CLTCL1: variants seen among roughly 807,000 people sequenced by gnomAD.
CLTCL1 encodes clathrin heavy chain 2.
A neutral mutation model predicts 190.0 loss-of-function variants in CLTCL1; 159 were observed. The ratio of observed to expected loss-of-function variants is 0.84; its 90% CI spans 0.74 to 0.95. The LOEUF is 0.95. Ranked by LOEUF, CLTCL1 falls within the 40% of genes least tolerant of loss-of-function variation. The pLI is 0.00. For missense variants in CLTCL1, 1,878 were observed against 2,033.4 expected (o/e 0.92, Z 1.47); for synonymous variants, 752 against 769.6 (o/e 0.98, Z 0.38).
chr22:19,231,150 A>C (rs1371179346), intron 10 of CLTCL1, among the ~76,000 whole-genome samples: 3 of 152,194 alleles, frequency 2.0e-5, no homozygotes, highest in African/African-American at 4.8e-5. Flanking sequence ...CCAGAATCCA[A>C]GGTCTCCTCT....
intron 19 of CLTCL1, among the ~76,000 whole-genome samples, chr22:19,214,560 C>T (rs1193711204): frequency 2.6e-5 from 4 of 152,056 alleles, no homozygotes; most frequent in Non-Finnish European, 4.4e-5. Context: ...AAGTTTAATA[C>T]AGTCTTATTG....
intron 2 of CLTCL1, among the ~76,000 whole-genome samples, chr22:19,274,293 T>A (rs1186595225): frequency 6.6e-6 from 1 of 151,980 alleles, no homozygotes; most frequent in African/African-American, 2.4e-5. Flanking sequence ...GGGACCCCCT[T>A]CTCTACAAAT....
rs782254214 is a variant in CLTCL1, at chr22:19,183,448, T to C, written c.4769A>G (p.Asn1590Ser). The change falls in exon 30 of 33, where the codon AAC becomes AGC. Residue 1590 changes from asparagine (N) to serine (S), a missense_variant. Coordinates refer to ENST00000427926, the MANE Select transcript of CLTCL1 (RefSeq NM_007098.4). ...GTAGGGCATGGCCAAGTCCACGAGG[T>C]TGTGCCTCCAGGCCAGCTCAAGCAC... Reference protein sequence around the residue: ...DMVLELAWRHNLVDLAMPYFI... With the variant: ...DMVLELAWRHSLVDLAMPYFI... 17 of 1,613,608 alleles carry C rather than the reference T, an allele frequency of 1.1e-5. No homozygotes were observed. Among genetic ancestry groups the C allele is most frequent in the Non-Finnish European group, 1.3e-5 (15 of 1,179,862 alleles).
At chr22:19,274,752 C>T (rs576022843) in intron 2 of CLTCL1, among the ~76,000 whole-genome samples, 9 of 148,032 alleles carry the variant, frequency 6.1e-5, no homozygotes, top group Admixed American at 2.0e-4. Flanking sequence ...TTTTTGAGAC[C>T]GATTTTTGCT....
At chr22:19,188,270 C>T (rs782299566) in intron 27 of CLTCL1, among the ~76,000 whole-genome samples, 179 bp from the exon 28 acceptor site, 20 of 152,210 alleles carry the variant, frequency 1.3e-4, no homozygotes, top group Middle Eastern at 3.2e-3. Flanking sequence ...ACTGTCTGGG[C>T]GATTCAGTGG....
chr22:19,291,514 G>A lies in CLTCL1; in HGVS notation c.42+86C>T, dbSNP rs1486839562. ...CGGCCAGCTGGGCAGCGGCTCAGCG[G>A]GGCTGGGGGCGCGGGGTCAAGCCTG... On this transcript the variant is annotated intron_variant, in intron 1 of 32. Transcript: ENST00000427926. The A allele has an allele frequency of 1.2e-5, 14 of 1,205,286 alleles. No individual in the cohort carries two copies. In the East Asian group the frequency reaches 2.3e-4, roughly 20 times the overall value. The allele number at this position is 1,205,286 out of a possible 1,614,324, so 74.7% of individuals were successfully genotyped here.
intron 23 of CLTCL1, among the ~76,000 whole-genome samples, chr22:19,200,663 A>C (rs1158315151): frequency 6.6e-6 from 1 of 151,960 alleles, no homozygotes; most frequent in African/African-American, 2.4e-5. Flanking sequence ...ACATGGTGAA[A>C]CCCCGACTCT....
At chr22:19,209,176 C>T (rs1374369298) in intron 20 of CLTCL1, 62 bp from the exon 21 acceptor site, 4 of 1,448,378 alleles carry the variant, frequency 2.8e-6, no homozygotes, top group African/African-American at 2.9e-5. Flanking sequence ...AAAACAGACA[C>T]ATTTTTGTTT....
At chr22:19,267,520 A>G (rs2087157399) in intron 2 of CLTCL1, among the ~76,000 whole-genome samples, 1 of 152,228 alleles carries the variant, frequency 6.6e-6, no homozygotes, top group African/African-American at 2.4e-5. Context: ...ATTTTGAAAA[A>G]CACTAAGTTG....
At chr22:19,274,436 T>C (rs555433546) in intron 2 of CLTCL1, among the ~76,000 whole-genome samples, 1 of 152,336 alleles carries the variant, frequency 6.6e-6, no homozygotes, top group Admixed American at 6.5e-5. Context: ...ATCCCATAAT[T>C]GTAATAATTT....
chr22:19,184,455 G>A (rs2084244502), intron 29 of CLTCL1: 6 of 455,830 alleles, frequency 1.3e-5, no homozygotes, highest in Admixed American at 4.7e-5. Flanking sequence ...GCATGGACCC[G>A]ATGTGCTGAG....
In CLTCL1 at chr22:19,193,876, C is replaced by G. The variant is rs5748036; in HGVS notation, c.4191+2390G>C. On this transcript the variant is annotated intron_variant, in intron 26 of 32. Coordinates refer to ENST00000427926, the MANE Select transcript of CLTCL1 (RefSeq NM_007098.4). ...GCAGTGAGTGTTACAGCTTTTAAAC[C>G]TAGTGCAGACTCAATGAGTGAGCAG... 9.4e-3 allele frequency among the ~76,000 whole-genome samples: 1,437 copies of G among 152,308 alleles called. 32 individuals carry two copies. The highest frequency in any genetic ancestry group is 0.068 in the East Asian group (353 of 5,182).
chr22:19,245,720 T>C (rs1284517717), intron 3 of CLTCL1, among the ~76,000 whole-genome samples: 1 of 152,224 alleles, frequency 6.6e-6, no homozygotes, highest in African/African-American at 2.4e-5. Context: ...GCTCCATAGA[T>C]TTACTGATTC....
intron 3 of CLTCL1, 146 bp downstream of exon 3, chr22:19,253,813 G>A (rs527709943): frequency 4.5e-5 from 41 of 920,412 alleles, no homozygotes; most frequent in Middle Eastern, 3.3e-4. Flanking sequence ...AGATCCTCCC[G>A]CCTCGGCCTC....
intron 29 of CLTCL1, chr22:19,184,392 A>C (rs1265033518): frequency 2.2e-6 from 1 of 444,612 alleles, no homozygotes; most frequent in Non-Finnish European, 4.5e-6. Flanking sequence ...CCTGCAGCAC[A>C]CACCTCTGAG....
chr22:19,261,003 C>T (rs113786606), intron 2 of CLTCL1, among the ~76,000 whole-genome samples: 3,765 of 151,780 alleles, frequency 0.025, 136 homozygotes, highest in African/African-American at 0.086. Context: ...AGAGCTCTGA[C>T]GGAGATATAC....
intron 27 of CLTCL1, 97 bp from the exon 28 acceptor site, chr22:19,188,188 A>T: frequency 9.2e-7 from 1 of 1,083,236 alleles, no homozygotes; most frequent in South Asian, 1.3e-5. Flanking sequence ...ATCCACTTGA[A>T]TGGTCCAGCT....
chr22:19,267,522 A>G (rs2087157524), intron 2 of CLTCL1, among the ~76,000 whole-genome samples: 1 of 152,234 alleles, frequency 6.6e-6, no homozygotes, highest in Non-Finnish European at 1.5e-5. Context: ...TTTGAAAAAC[A>G]CTAAGTTGGA....
chr22:19,226,729 CT>C (rs1555956265), intron 11 of CLTCL1, among the ~76,000 whole-genome samples: 1 of 152,060 alleles, frequency 6.6e-6, no homozygotes, highest in Non-Finnish European at 1.5e-5. Flanking sequence ...CAATCACATT[CT>C]TTTTTTCCTT....
Sources: allele counts gnomAD v4.1 joint callset (sites outside exome capture counted in the v4.1 genomes callset), GRCh38; gene constraint gnomAD v4.1.1; transcripts MANE v1.5; gene names NCBI Gene and HGNC (gene_info 2026-07-23, HGNC 2026-07-21).